The following EYS variants were observed in gnomAD, a reference collection of about 807,000 sequenced individuals.
The protein encoded by EYS is protein eyes shut homolog.
Under a neutral mutation model 282.1 loss-of-function variants are expected in EYS, and 250 were observed. The observed-to-expected ratio is 0.89, with a 90% CI of 0.80 to 0.98. The LOEUF (loss-of-function observed/expected upper bound fraction) is 0.98. Ranked by LOEUF, EYS falls within the 50% of genes least tolerant of loss-of-function variation. The pLI is 0.00. For synonymous variants in EYS, 1,355 were observed against 1,282.9 expected (o/e 1.06, Z -1.20); for missense variants, 4,016 against 3,709.0 (o/e 1.08, Z -2.15).
intron 2 of EYS, among the ~76,000 whole-genome samples, chr6:65,536,700 A>G (rs1039299527): frequency 6.6e-6 from 1 of 152,168 alleles, no homozygotes; most frequent in African/African-American, 2.4e-5. Context: ...AAATCAAACA[A>G]AAATTAGATA....
chr6:65,405,572 C>G (rs1380781401), intron 5 of EYS, among the ~76,000 whole-genome samples: 2 of 151,994 alleles, frequency 1.3e-5, no homozygotes, highest in African/African-American at 4.8e-5. Context: ...TATAGAGCTA[C>G]TCAAGCATCA....
chr6:63,914,824 T>A (rs1488723300), intron 35 of EYS, among the ~76,000 whole-genome samples: 2 of 152,100 alleles, frequency 1.3e-5, no homozygotes, highest in African/African-American at 4.8e-5. Context: ...CAAAAGCTAA[T>A]CCAGAGCAGG....
At chr6:65,342,860 A>G (rs968871961) in intron 10 of EYS, among the ~76,000 whole-genome samples, 5 of 151,154 alleles carry the variant, frequency 3.3e-5, no homozygotes, top group African/African-American at 1.2e-4. Flanking sequence ...ACTGAGAACT[A>G]GAAATACATA....
chr6:65,459,942 C>T (rs114399280), intron 5 of EYS, among the ~76,000 whole-genome samples: 24,954 of 106,628 alleles, frequency 0.23, 2,927 homozygotes, highest in Middle Eastern at 0.4. Context: ...TTTTCTGGTG[C>T]GTGTGTGTGT....
chr6:63,951,366 G>C (rs1765585184), intron 35 of EYS, among the ~76,000 whole-genome samples: 1 of 152,084 alleles, frequency 6.6e-6, no homozygotes, highest in Admixed American at 6.5e-5. Flanking sequence ...ATGGACAAAT[G>C]GTCTGAGGTG....
chr6:65,648,439 G>C (rs1272695958), intron 1 of EYS, among the ~76,000 whole-genome samples: 1 of 151,984 alleles, frequency 6.6e-6, no homozygotes, highest in East Asian at 1.9e-4. Context: ...ATTATTCTAA[G>C]TGAAGTAACT....
At chr6:65,204,193 T>G (rs377458059) in intron 12 of EYS, among the ~76,000 whole-genome samples, 31 of 152,080 alleles carry the variant, frequency 2.0e-4, no homozygotes, top group Admixed American at 1.6e-3. Context: ...GACATTCAAA[T>G]ACAATAAATT....
chr6:63,974,080 A>G (rs1766717056), intron 35 of EYS, among the ~76,000 whole-genome samples: 1 of 152,096 alleles, frequency 6.6e-6, no homozygotes, highest in Admixed American at 6.6e-5. Context: ...CCAAAGCCAA[A>G]GGATTCTGAA....
chr6:64,692,795 G>A (rs1770434032), intron 22 of EYS, among the ~76,000 whole-genome samples: 1 of 151,920 alleles, frequency 6.6e-6, no homozygotes, highest in Non-Finnish European at 1.5e-5. Context: ...AGATCAGATG[G>A]TTGATAAGTT....
rs887992230 is a variant in EYS, at chr6:64,439,061, T to C, written c.5835+101A>G. On this transcript the variant is annotated intron_variant, in intron 27 of 42. Transcript: ENST00000503581. ...AGACATCCTGGTGGTGAGTATAATA[T>C]ATAGAGTTAAGTTTAAATTTTATTT... 8 of 614,342 alleles carry C rather than the reference T, an allele frequency of 1.3e-5. 1 individual carries two copies. The highest frequency in any genetic ancestry group is 1.8e-5 in the Non-Finnish European group (7 of 379,540). 38.1% of individuals were successfully genotyped at this position (614,342 alleles called of 1,614,324 possible).
chr6:63,741,657 G>T (rs1467009697), intron 41 of EYS, among the ~76,000 whole-genome samples: 1 of 152,166 alleles, frequency 6.6e-6, no homozygotes, highest in East Asian at 1.9e-4. Flanking sequence ...AGATGTCTGT[G>T]AGATCTTTCA....
At chr6:65,395,529 T>C (rs748615859) in intron 7 of EYS, among the ~76,000 whole-genome samples, 6 of 152,206 alleles carry the variant, frequency 3.9e-5, no homozygotes, top group Non-Finnish European at 5.9e-5. Flanking sequence ...CATTTGTATA[T>C]GTGGGGGATA....
chr6:65,229,146 T>C (rs1236894648), intron 12 of EYS, among the ~76,000 whole-genome samples: 1 of 151,974 alleles, frequency 6.6e-6, no homozygotes, highest in Admixed American at 6.6e-5. Context: ...AGAATTGACT[T>C]TTAAAAAGAA....
At chr6:64,041,323 C>A (rs1770380225) in intron 33 of EYS, among the ~76,000 whole-genome samples, 1 of 151,998 alleles carries the variant, frequency 6.6e-6, no homozygotes, top group Non-Finnish European at 1.5e-5. Flanking sequence ...TTGCAGTTTT[C>A]AGGAAAATAA....
rs546836631 is a variant in EYS at position 65,282,532 on chromosome 6, T to C, written c.2023+13331A>G. On this transcript the variant is annotated intron_variant, in intron 12 of 42. Coordinates refer to ENST00000503581, the MANE Select transcript of EYS (RefSeq NM_001142800.2). ...GTGAGCAAATTTTTAAGTATGTTAT[T>C]GTGTGCAATGCTGATTTTCAAATTT... 4.2e-3 allele frequency among the ~76,000 whole-genome samples: 633 copies of C among 152,160 alleles called. 3 individuals carry two copies. The highest frequency in any genetic ancestry group is 0.019 in the South Asian group (94 of 4,832).
chr6:65,666,799 G>A (rs1421175902), intron 1 of EYS, among the ~76,000 whole-genome samples: 2 of 150,848 alleles, frequency 1.3e-5, no homozygotes, highest in South Asian at 2.1e-4. Flanking sequence ...AATAAAAAAG[G>A]TTCTTTATCT....
chr6:64,164,711 C>A (rs1336652722), intron 31 of EYS, among the ~76,000 whole-genome samples: 3 of 152,188 alleles, frequency 2.0e-5, no homozygotes, highest in Middle Eastern at 6.8e-3. Flanking sequence ...GAAACAAGGG[C>A]TTTTGCCGAG....
At chr6:64,519,390 C>T (rs745343305) in intron 26 of EYS, among the ~76,000 whole-genome samples, 1 of 151,722 alleles carries the variant, frequency 6.6e-6, no homozygotes, top group Admixed American at 6.6e-5. Context: ...TTTGCCTGCT[C>T]CTAATTTGAG....
At chr6:65,255,374 A>G (rs891329808) in intron 12 of EYS, among the ~76,000 whole-genome samples, 1 of 151,954 alleles carries the variant, frequency 6.6e-6, no homozygotes, top group African/African-American at 2.4e-5. Flanking sequence ...TCAAAAAGTA[A>G]ATAAAAATAA....
Sources: allele counts gnomAD v4.1 joint callset (sites outside exome capture counted in the v4.1 genomes callset), GRCh38; gene constraint gnomAD v4.1.1; transcripts MANE v1.5; gene names NCBI Gene and HGNC (gene_info 2026-07-23, HGNC 2026-07-21).